The following EVPL variants were observed in gnomAD, a reference collection of about 807,000 sequenced individuals.
EVPL encodes envoplakin.
Under a neutral mutation model 129.7 loss-of-function variants are expected in EVPL, and 94 were observed. The ratio of observed to expected loss-of-function variants is 0.72; its 90% CI spans 0.61 to 0.86. The LOEUF (loss-of-function observed/expected upper bound fraction) is 0.86. Ranked by LOEUF, EVPL falls within the 40% of genes least tolerant of loss-of-function variation. The pLI, the probability that EVPL is intolerant of heterozygous loss-of-function variation, is 0.00. For missense variants in EVPL, 2,625 were observed against 2,721.1 expected, an observed-to-expected ratio of 0.96 and a Z score of 0.79; for synonymous variants, 1,172 against 1,191.1, an observed-to-expected ratio of 0.98 and a Z score of 0.33.
intron 14 of EVPL, among the ~76,000 whole-genome samples, chr17:76,016,275 AC>A (rs2066418471): frequency 6.6e-6 from 1 of 152,216 alleles, no homozygotes; most frequent in Non-Finnish European, 1.5e-5. Context: ...TGCTCACAAG[AC>A]CATCAGGTCC....
In EVPL at chr17:76,011,572, G is replaced by A. The variant is rs368970946; in HGVS notation, c.2661+4C>T. The A allele has an allele frequency of 2.3e-5, 37 of 1,612,768 alleles. No individual in the cohort carries two copies. Among genetic ancestry groups the A allele is most frequent in the Non-Finnish European group, 3.1e-5 (36 of 1,178,860 alleles). ...TGGGAAAGCTGTAGGTGTTGTCTGTGTACCTTCTCCAGCATTTTTCTAGCA... is the reference window on the plus strand; with the variant it reads ...TGGGAAAGCTGTAGGTGTTGTCTGTATACCTTCTCCAGCATTTTTCTAGCA... On this transcript the variant is annotated splice_donor_region_variant and intron_variant, in intron 21 of 21. Transcript: ENST00000301607.
At chr17:76,017,154 A>T (rs891783051) in intron 14 of EVPL, among the ~76,000 whole-genome samples, 4 of 147,070 alleles carry the variant, frequency 2.7e-5, no homozygotes, top group Admixed American at 2.7e-4. Context: ...CAGAAGTTGC[A>T]GTGAGCCAAG....
At position 76,015,063 on chromosome 17, in the gene EVPL, A is replaced by T. The variant is rs749520208; in HGVS notation, c.2075T>A (p.Leu692Gln). 2 of 1,584,468 alleles carry T rather than the reference A, an allele frequency of 1.3e-6. No homozygotes were observed. Among genetic ancestry groups the T allele is most frequent in the South Asian group, 2.2e-5 (2 of 90,748 alleles). ...LLEQQTCVLR[L>Q]HRALKASEHA... ...CTCCGAGGCCTTCAGCGCGCGGTGTAGCCGCAGCACGCAGGTCTGCTGTTC... is the reference window on the plus strand; with the variant it reads ...CTCCGAGGCCTTCAGCGCGCGGTGTTGCCGCAGCACGCAGGTCTGCTGTTC... Residue 692 changes from leucine (L) to glutamine (Q), a missense_variant, in exon 17 of 22, where the codon CTA (leucine) becomes CAA (glutamine). Around this residue, in one of 4 missense-constraint regions of EVPL, gnomAD observed 1,024 missense variants for 997.5 expected, o/e 1.03. Coordinates refer to ENST00000301607, the MANE Select transcript of EVPL (RefSeq NM_001988.4).
At position 76,014,594 on chromosome 17, in the gene EVPL, C is replaced by T. The variant is rs545875618; in HGVS notation, c.2223-18G>A. On this transcript the variant is annotated intron_variant, in intron 17 of 21. Transcript: ENST00000301607. ...CCTTCTCCCTGCAGGAGGACGAGGC[C>T]CAGAACAGAGATAAGACCTGCCCCG... is the stretch of plus-strand genomic sequence containing the variant. The T allele has an allele frequency of 3.7e-6, 6 of 1,609,782 alleles. No individual in the cohort carries two copies. In the African/African-American group the frequency reaches 8.0e-5, roughly 22 times the overall value.
intron 1 of EVPL, among the ~76,000 whole-genome samples, chr17:76,026,597 C>T (rs1243092447): frequency 5.3e-5 from 8 of 152,130 alleles, no homozygotes; most frequent in Non-Finnish European, 1.2e-4. Context: ...GGCAGCACAG[C>T]CCCTGCATCC....
chr17:76,017,358 TC>T (rs1270747044), intron 14 of EVPL, among the ~76,000 whole-genome samples: 2 of 152,198 alleles, frequency 1.3e-5, no homozygotes, highest in East Asian at 3.9e-4. Context: ...CCAGGTAGGC[TC>T]CCCCTTGCAG....
chr17:76,019,509 C>T lies in EVPL; in HGVS notation c.1137+19G>A, dbSNP rs2244371. 998,051 of 1,537,612 alleles carry T rather than the reference C, an allele frequency of 0.65. 325,736 individuals carry two copies. Among genetic ancestry groups the T allele is most frequent in the South Asian group, 0.71 (56,732 of 79,732 alleles). On this transcript the variant is annotated intron_variant, in intron 10 of 21. Transcript: ENST00000301607. ...ATTCCCAGAAGTGGGGTGCAGACGG[C>T]CTGGTGGGGTTGTCTCACCTCCAGC...
intron 14 of EVPL, 62 bp downstream of exon 14, chr17:76,017,677 A>G (rs568952217): frequency 6.4e-7 from 1 of 1,572,862 alleles, no homozygotes; most frequent in East Asian, 2.2e-5. Context: ...ACCTCCCTCA[A>G]GTGTGAGCAC....
At position 76,027,276 on chromosome 17, in the gene EVPL, C is replaced by T. The variant is rs1369036765; in HGVS notation, c.-78G>A. The stretch of plus-strand genomic sequence containing the variant: ...AGGAGGGCAGGTGGGAGGCAGCGGG[C>T]GTCCTCACTGGCTGGTCAGCTAAGT... On this transcript the variant is annotated 5_prime_UTR_variant, in exon 1 of 22. Coordinates refer to ENST00000301607, the MANE Select transcript of EVPL (RefSeq NM_001988.4). The T allele has an allele frequency of 4.4e-5, 46 of 1,035,052 alleles. No homozygotes were observed. The highest frequency in any genetic ancestry group is 1.5e-4 in the South Asian group (12 of 77,872). 64.1% of individuals were successfully genotyped at this position (1,035,052 alleles called of 1,614,324 possible).
intron 11 of EVPL, 141 bp from the exon 12 acceptor site, chr17:76,018,741 G>A: frequency 8.2e-7 from 1 of 1,220,272 alleles, no homozygotes; most frequent in Non-Finnish European, 1.1e-6. Flanking sequence ...TGCTGGGGTA[G>A]AAAAGAGGCA....
At position 76,022,559 on chromosome 17, in the gene EVPL, C is replaced by T; in HGVS notation, c.481-21G>A. 3.8e-6 allele frequency: 6 copies of T among 1,589,522 alleles called. No individual in the cohort carries two copies. Among genetic ancestry groups the T allele is most frequent in the East Asian group, 2.3e-5 (1 of 44,086 alleles). On this transcript the variant is annotated intron_variant, in intron 4 of 21. Transcript: ENST00000301607. This position sits in a 1 kb window ranked among gnomAD's most constrained non-coding sequence, Gnocchi z 5.6. ...TGCTTCTGCAGGAGAGCCGGCGGCT[C>T]AGTCCCCAAAGGACCGCGGTGGGGA... is the stretch of plus-strand genomic sequence containing the variant.
At position 76,019,644 on chromosome 17, in the gene EVPL, C is replaced by T. The variant is rs2066443961; in HGVS notation, c.1021G>A (p.Glu341Lys). The change falls in exon 10 of 22, where the codon GAG (glutamate) becomes AAG (lysine). Residue 341 changes from glutamate to lysine, a missense_variant. Around this residue, in one of 4 missense-constraint regions of EVPL, gnomAD observed 1,024 missense variants for 997.5 expected, o/e 1.03. Coordinates refer to ENST00000301607, the MANE Select transcript of EVPL (RefSeq NM_001988.4). ...AGGGTCTGGCTGACTGAGTCGGCCT[C>T]TTCCTGGAACTGAGTTCACTGGGTG... is the stretch of plus-strand genomic sequence containing the variant. ...HVEDYRRFQE[E>K]ADSVSQTLAK... The T allele has an allele frequency of 6.2e-7, 1 of 1,610,828 alleles. No individual in the cohort carries two copies. The highest frequency in any genetic ancestry group is 1.7e-5 in the Admixed American group (1 of 59,658).
chr17:76,006,950 G>A lies in EVPL; in HGVS notation c.*153C>T. 1 of 877,434 alleles carries A rather than the reference G, an allele frequency of 1.1e-6. No individual in the cohort carries two copies. The highest frequency in any genetic ancestry group is 1.5e-6 in the Non-Finnish European group (1 of 656,884). 54.4% of individuals were successfully genotyped at this position (877,434 alleles called of 1,614,324 possible). A position where few individuals can be genotyped will look rare whatever the true frequency, so the allele number is the denominator to read the frequency against. On this transcript the variant is annotated 3_prime_UTR_variant, in exon 22 of 22. Transcript: ENST00000301607. Reference sequence around the variant, plus strand: ...GGATGGATCAGGCACCAAGGTTAGGGGAGGGAGCCCATCACCATGTTAGTA... The same window carrying A: ...GGATGGATCAGGCACCAAGGTTAGGAGAGGGAGCCCATCACCATGTTAGTA...
At position 76,010,481 on chromosome 17, in the gene EVPL, G is replaced by A. The variant is rs2066368778; in HGVS notation, c.2724C>T (p.Ala908=). 1 of 1,613,778 alleles carries A rather than the reference G, an allele frequency of 6.2e-7. No homozygotes were observed. Among genetic ancestry groups the A allele is most frequent in the Non-Finnish European group, 8.5e-7 (1 of 1,179,846 alleles). ...GGGCCTCTGACTCTCTCCCTGCTTG[G>A]GCAGGGCTCTCGGAGCCCTGCTTTG... The part of the protein sequence containing the change: ...HDAKQGSESP[A]QAGRESEALK... Residue 908 remains alanine, a synonymous_variant, in exon 22 of 22, where the codon GCC becomes GCT. Transcript: ENST00000301607.
Position 76,010,142 on chromosome 17 carries a change from C to T in EVPL, c.3063G>A (p.Gln1021=), listed in dbSNP as rs1479426689. ...QPHLLTKEVT[Q]VERDPGLDSQ... ...TGTCCAGGCCGGGGTCCCTCTCCAC[C>T]TGGGTGACCTCCTTGGTCAGCAGAT... Residue 1021 remains glutamine (Q), a synonymous_variant, in exon 22 of 22, where the codon CAG becomes CAA. Transcript: ENST00000301607. The T allele has an allele frequency of 2.5e-6, 4 of 1,614,008 alleles. No individual in the cohort carries two copies. The South Asian group carries it at 4.4e-5, about 18-fold the overall frequency.
rs757772040 is a variant in EVPL, at chr17:76,008,510, G to A, written c.4695C>T (p.Asp1565=). 3 of 1,604,878 alleles carry A rather than the reference G, an allele frequency of 1.9e-6. No individual in the cohort carries two copies. The highest frequency in any genetic ancestry group is 2.5e-6 in the Non-Finnish European group (3 of 1,179,060). Residue 1565 remains aspartate (D), a synonymous_variant, in exon 22 of 22, where the codon GAC becomes GAT. Coordinates refer to ENST00000301607, the MANE Select transcript of EVPL (RefSeq NM_001988.4). The surrounding 1 kb of genome is among the most constrained non-coding windows in gnomAD (Gnocchi z 7.4). ...AGGTTCTCCCCAGCGTCTCGGCCCGGTCAATGCGCTCCCGCAGGCGCCGTG... is the reference window on the plus strand; with the variant it reads ...AGGTTCTCCCCAGCGTCTCGGCCCGATCAATGCGCTCCCGCAGGCGCCGTG... The part of the protein sequence containing the change: ...EEARRLRERI[D]RAETLGRTWS...
chr17:76,011,640 T>C lies in EVPL; in HGVS notation c.2597A>G (p.Glu866Gly), dbSNP rs1392290425. 31 of 1,613,962 alleles carry C rather than the reference T, an allele frequency of 1.9e-5. No individual in the cohort carries two copies. The highest frequency in any genetic ancestry group is 2.5e-5 in the Non-Finnish European group (29 of 1,180,018). The change falls in exon 21 of 22, where the codon GAG becomes GGG. Residue 866 changes from glutamate (E) to glycine (G), a missense_variant. Physicochemically the swap from Glu to Gly is moderately conservative, Grantham distance 98. This residue lies in a region of EVPL where 1,024 missense variants were observed against 997.5 expected (regional missense o/e 1.03). Coordinates refer to ENST00000301607, the MANE Select transcript of EVPL (RefSeq NM_001988.4). ...CAGCTGCTGCTGTGCTGCTGCAACC[T>C]CAGTATAGGCCTTTGCAAGGTTCTT... ...QEKNLAKAYT[E>G]VAAAQQQLLQ...
chr17:76,023,366 G>C lies in EVPL; in HGVS notation c.406C>G (p.Leu136Val), dbSNP rs775961051. Residue 136 changes from leucine (L) to valine (V), a missense_variant, in exon 4 of 22, where the codon CTG becomes GTG. Physicochemically the swap from Leu to Val is conservative, Grantham distance 32 (BLOSUM62 1). This residue lies in a region of EVPL where 139 missense variants were observed against 186.8 expected (regional missense o/e 0.74). Coordinates refer to ENST00000301607, the MANE Select transcript of EVPL (RefSeq NM_001988.4). The part of the protein sequence containing the change: ...VTQECAEYRA[L>V]YEKMVLPPDV... ...GGGGGCAGCACCATCTTCTCGTACA[G>C]GGCACGGTACTCCGCACACTCCTGG... 2 of 1,613,922 alleles carry C rather than the reference G, an allele frequency of 1.2e-6. No homozygotes were observed. Among genetic ancestry groups the C allele is most frequent in the Non-Finnish European group, 8.5e-7 (1 of 1,180,020 alleles).
intron 1 of EVPL, among the ~76,000 whole-genome samples, chr17:76,025,607 G>C (rs960934999): frequency 1.3e-5 from 2 of 152,134 alleles, no homozygotes; most frequent in Non-Finnish European, 2.9e-5. Flanking sequence ...GGTGCCCCAG[G>C]GAGGACAGGT....
Sources: gnomAD v4.1 joint callset for allele counts (sites outside exome capture counted in the v4.1 genomes callset) on GRCh38, gnomAD v4.1.1 for gene constraint, gnomAD v4.1.1 regional missense constraint, Gnocchi (gnomAD v3.1) non-coding constraint, MANE v1.5 for transcripts, NCBI Gene and HGNC (gene_info 2026-07-23, HGNC 2026-07-21) for gene names.